The following PAX8 variants were observed in gnomAD, a reference collection of about 807,000 sequenced individuals.
The protein encoded by PAX8 is paired box 8.
A neutral mutation model predicts 52.4 loss-of-function variants in PAX8; 15 were observed. That is an observed-to-expected ratio of 0.29 (90% CI 0.19 to 0.44). The LOEUF (loss-of-function observed/expected upper bound fraction) is 0.44. PAX8 is among the 20% of genes least tolerant of loss of function. The probability of loss-of-function intolerance (pLI) is 1.00; values close to 1 mark genes in which losing one functional copy is unlikely to be tolerated. For synonymous variants in PAX8, 284 were observed against 249.7 expected (o/e 1.14, Z -1.29); for missense variants, 554 against 602.5 (o/e 0.92, Z 0.84).
chr2:113,225,837 G>C (rs2104428205), intron 10 of PAX8: 1 of 903,180 alleles, frequency 1.1e-6, no homozygotes, highest in African/African-American at 1.8e-5. Context: ...GGAACCGACT[G>C]GAGACTGGGA....
intron 2 of PAX8, chr2:113,273,233 G>C (rs937027605): frequency 6.6e-6 from 1 of 152,298 alleles, no homozygotes; most frequent in Non-Finnish European, 1.5e-5. Flanking sequence ...ACAAACTGCA[G>C]TTCCTGCCTG....
intron 2 of PAX8, chr2:113,270,120 A>G (rs1693363620): frequency 2.0e-5 from 3 of 152,182 alleles, no homozygotes; most frequent in Non-Finnish European, 2.9e-5. Context: ...TATTTTGTCC[A>G]CATGAATTAT....
chr2:113,236,621 T>G lies in PAX8; in HGVS notation c.878A>C (p.Gln293Pro), dbSNP rs1469491494. 6.3e-7 allele frequency: 1 copy of G among 1,588,550 alleles called. No homozygotes were observed. The highest frequency in any genetic ancestry group is 1.8e-5 in the Admixed American group (1 of 56,198). ...TPLGRNLSTH[Q>P]TYPVVADPHS... The stretch of plus-strand genomic sequence containing the variant: ...TGTACCTGCCACCACGGGGTAGGTC[T>G]GGTGAGTCGAGAGGTTGCGCCCCAG... The change falls in exon 8 of 12, where the codon CAG (glutamine) becomes CCG (proline). Residue 293 changes from glutamine (Q) to proline (P), a missense_variant. Transcript: ENST00000429538.
intron 5 of PAX8, 66 bp from the exon 6 acceptor site, chr2:113,242,196 T>G: frequency 2.8e-6 from 4 of 1,418,194 alleles, no homozygotes; most frequent in Non-Finnish European, 3.9e-6. Context: ...TGGGTGACTC[T>G]GGGGTAGTTA....
intron 2 of PAX8, among the ~76,000 whole-genome samples, chr2:113,260,379 G>A (rs1692578931): frequency 6.6e-6 from 1 of 152,152 alleles, no homozygotes; most frequent in East Asian, 1.9e-4. Context: ...ATGTGTGTGT[G>A]TTGGGGATGG....
chr2:113,257,038 G>C (rs1573510070), intron 2 of PAX8, among the ~76,000 whole-genome samples: 1 of 152,124 alleles, frequency 6.6e-6, no homozygotes, highest in East Asian at 1.9e-4. Context: ...ATGGGTCTCT[G>C]CCCTCTTGGA....
At chr2:113,255,249 A>G (rs1206199927) in intron 2 of PAX8, 2 of 12,808 alleles carry the variant, frequency 1.6e-4, no homozygotes, top group African/African-American at 1.0e-3. Context: ...GGAGGGGAGG[A>G]GGGAGGGAGG....
chr2:113,219,834 A>T (rs1356130860), intron 11 of PAX8, among the ~76,000 whole-genome samples: 1 of 152,172 alleles, frequency 6.6e-6, no homozygotes, highest in Middle Eastern at 3.2e-3. Flanking sequence ...CTTACACAAA[A>T]CAAAGATTTA....
intron 2 of PAX8, chr2:113,271,332 T>A (rs1246943066): frequency 6.6e-6 from 1 of 152,204 alleles, no homozygotes; most frequent in Non-Finnish European, 1.5e-5. Context: ...TTCCCCAGGG[T>A]CCTTCAACTT....
At chr2:113,271,257 C>T (rs1693441528) in intron 2 of PAX8, 1 of 152,256 alleles carries the variant, frequency 6.6e-6, no homozygotes, top group African/African-American at 2.4e-5. Flanking sequence ...GTTCGCATCA[C>T]ATCCAAGATG....
chr2:113,272,903 G>T (rs1024890909), intron 2 of PAX8: 1 of 152,156 alleles, frequency 6.6e-6, no homozygotes, highest in Admixed American at 6.5e-5. Flanking sequence ...GGACCCGAAG[G>T]GGGGCAGTGC....
At chr2:113,242,238 A>G (rs1573461684) in intron 5 of PAX8, 108 bp from the exon 6 acceptor site, 1 of 753,576 alleles carries the variant, frequency 1.3e-6, no homozygotes, top group Middle Eastern at 4.2e-4. Flanking sequence ...GGGCTGGGGG[A>G]GAGGGAGAGG....
chr2:113,271,831 C>G (rs980158669), intron 2 of PAX8: 1 of 151,028 alleles, frequency 6.6e-6, no homozygotes, highest in Non-Finnish European at 1.5e-5. Flanking sequence ...ATAAAAATGT[C>G]GTAGCAATAC....
At chr2:113,225,945 A>G (rs928814285) in intron 10 of PAX8, 1 of 923,492 alleles carries the variant, frequency 1.1e-6, no homozygotes, top group Non-Finnish European at 1.3e-6. Flanking sequence ...CCAGAAGAGG[A>G]AGGGAGGGAG....
At position 113,226,457 on chromosome 2, in the gene PAX8, T is replaced by C. The variant is rs572127024; in HGVS notation, c.1189+698A>G. On this transcript the variant is annotated intron_variant, in intron 10 of 11. Transcript: ENST00000429538. ...ATTATCTTCATTTGTCCAGACCTTGTCATCTTGAATCATCATTGGATGATG... is the reference window on the plus strand; with the variant it reads ...ATTATCTTCATTTGTCCAGACCTTGCCATCTTGAATCATCATTGGATGATG... 63 of 988,294 alleles carry C rather than the reference T, an allele frequency of 6.4e-5. No homozygotes were observed. The South Asian group carries it at 2.8e-3, about 44-fold the overall frequency. 61.2% of individuals were successfully genotyped at this position (988,294 alleles called of 1,614,324 possible).
chr2:113,241,151 G>T (rs898351987), intron 7 of PAX8: 1 of 362,670 alleles, frequency 2.8e-6, no homozygotes, highest in African/African-American at 2.1e-5. Flanking sequence ...CAAGAGCATG[G>T]GGTGTGCAGG....
At position 113,244,514 on chromosome 2, in the gene PAX8, G is replaced by A. The variant is rs752572959; in HGVS notation, c.302C>T (p.Thr101Ile). 9.3e-6 allele frequency: 15 copies of A among 1,614,162 alleles called. No individual in the cohort carries two copies. Among genetic ancestry groups the A allele is most frequent in the Non-Finnish European group, 1.1e-5 (13 of 1,179,996 alleles). The stretch of plus-strand genomic sequence containing the variant: ...GTCTCGGATCTCCCAGGCAAACATG[G>A]TAGGGTTCTGGCGTTTGTAGTCCCC... ...KIGDYKRQNP[T>I]MFAWEIRDRL... The change falls in exon 4 of 12, where the codon ACC (threonine) becomes ATC (isoleucine). Residue 101 changes from threonine to isoleucine, a missense_variant. Physicochemically the swap from Thr to Ile is moderately conservative, Grantham distance 89. Around this residue, in one of 2 missense-constraint regions of PAX8, gnomAD observed 109 missense variants for 192.7 expected, o/e 0.57. Transcript: ENST00000429538.
chr2:113,247,399 C>T (rs1220808030), intron 2 of PAX8, among the ~76,000 whole-genome samples: 2 of 152,210 alleles, frequency 1.3e-5, no homozygotes, highest in Admixed American at 6.5e-5. Context: ...TTTTAAAACA[C>T]TACCTCATTG....
chr2:113,271,153 A>G (rs1158763296), intron 2 of PAX8: 1 of 152,226 alleles, frequency 6.6e-6, no homozygotes, highest in East Asian at 1.9e-4. Flanking sequence ...CGGCACCTCC[A>G]GTGGCCACCA....
Sources: allele counts gnomAD v4.1 joint callset (sites outside exome capture counted in the v4.1 genomes callset), GRCh38; gene constraint gnomAD v4.1.1; regional missense constraint gnomAD v4.1.1; transcripts MANE v1.5; gene names NCBI Gene and HGNC (gene_info 2026-07-23, HGNC 2026-07-21).